The following MAGEA4 variants were observed in gnomAD, a reference collection of about 807,000 sequenced individuals.
The protein encoded by MAGEA4 is MAGE family member A4.
Under a neutral mutation model 13.7 loss-of-function variants are expected in MAGEA4, and 1 was observed. The ratio of observed to expected loss-of-function variants is 0.07; its 90% CI spans 0.03 to 0.35. MAGEA4 has a LOEUF of 0.35. Among genes scored for constraint, MAGEA4 ranks in the 10% least tolerant of loss-of-function variants. The pLI, the probability that MAGEA4 is intolerant of heterozygous loss-of-function variation, is 0.99. For missense variants in MAGEA4, 312 were observed against 245.1 expected (o/e 1.27, Z -1.82); for synonymous variants, 132 against 101.1 (o/e 1.31, Z -1.83).
chrX:151,918,957 G>C (rs1431249453), intron 1 of MAGEA4: 1 of 749,016 alleles, frequency 1.3e-6, no homozygotes, highest in East Asian at 1.6e-4. Flanking sequence ...CGCATTCGGG[G>C]TTAGAGAGAA....
intron 1 of MAGEA4, 141 bp from the exon 2 acceptor site, chrX:151,923,312 G>A (rs1603076617): frequency 3.0e-6 from 1 of 336,212 alleles, no homozygotes; most frequent in East Asian, 8.4e-5. Flanking sequence ...TGTTTGCCCT[G>A]AATGCACACC....
chrX:151,920,603 A>G (rs1267220211), intron 1 of MAGEA4, among the ~76,000 whole-genome samples: 1 of 28,490 alleles, frequency 3.5e-5, no homozygotes, highest in African/African-American at 1.5e-4. Flanking sequence ...CTGTACCCCC[A>G]TTCCCCACCT....
chrX:151,923,483 G>A lies in MAGEA4; in HGVS notation c.-107G>A, dbSNP rs1157061427. On this transcript the variant is annotated 5_prime_UTR_variant, in exon 2 of 3. Transcript: ENST00000276344. Reference sequence around the variant, plus strand: ...GAGCAGACAGGCCAACCGGAGGACAGGATTCCCTGGAGGCCACAGAGGAGC... The same window carrying A: ...GAGCAGACAGGCCAACCGGAGGACAAGATTCCCTGGAGGCCACAGAGGAGC... 4.2e-6 allele frequency: 5 copies of A among 1,196,542 alleles called. No homozygotes were observed. The highest frequency in any genetic ancestry group is 3.5e-5 in the African/African-American group (2 of 57,102).
At chrX:151,921,309 G>T (rs1037738223) in intron 1 of MAGEA4, among the ~76,000 whole-genome samples, 1 of 112,316 alleles carries the variant, frequency 8.9e-6, no homozygotes, top group Non-Finnish European at 1.9e-5. Flanking sequence ...GTTGAGATCG[G>T]CTGAGGGGAG....
chrX:151,923,899 A>G lies in MAGEA4; in HGVS notation c.235A>G (p.Thr79Ala), dbSNP rs759446643. ...TGCCTTACCCACTACCATCAGCTTC[A>G]CTTGCTGGAGGCAACCCAATGAGGG... ...ASALPTTISF[T>A]CWRQPNEGSS... Residue 79 changes from threonine (T) to alanine (A), a missense_variant, in exon 3 of 3, where the codon ACT becomes GCT. Physicochemically the swap from Thr to Ala is moderately conservative, Grantham distance 58 (BLOSUM62 0). Transcript: ENST00000276344. 3.3e-6 allele frequency: 4 copies of G among 1,211,500 alleles called. No individual in the cohort carries two copies. The East Asian group carries it at 1.2e-4, about 36-fold the overall frequency.
Position 151,924,008 on chromosome X carries a change from A to G in MAGEA4, c.344A>G (p.Asp115Gly). ...CGAGAAGCACTCAGTAACAAGGTGGATGAGTTGGCTCATTTTCTGCTCCGC... is the reference window on the plus strand; with the variant it reads ...CGAGAAGCACTCAGTAACAAGGTGGGTGAGTTGGCTCATTTTCTGCTCCGC... Reference protein sequence around the residue: ...LFREALSNKVDELAHFLLRKY... With the variant: ...LFREALSNKVGELAHFLLRKY... The change falls in exon 3 of 3, where the codon GAT (aspartate) becomes GGT (glycine). Residue 115 changes from aspartate to glycine, a missense_variant. Asp to Gly is a moderately conservative substitution (Grantham distance 94). Transcript: ENST00000276344. 4 of 1,212,169 alleles carry G rather than the reference A, an allele frequency of 3.3e-6. No homozygotes were observed. The highest frequency in any genetic ancestry group is 4.5e-6 in the Non-Finnish European group (4 of 895,615).
In MAGEA4 at chrX:151,924,877, C is replaced by G. The variant is rs1250105891; in HGVS notation, c.*259C>G. 9.6e-6 allele frequency: 3 copies of G among 314,012 alleles called. No homozygotes were observed. The highest frequency in any genetic ancestry group is 1.7e-5 in the Non-Finnish European group (3 of 175,717). 25.9% of individuals were successfully genotyped at this position (314,012 alleles called of 1,213,427 possible). A position where few individuals can be genotyped will look rare whatever the true frequency, so the allele number is the denominator to read the frequency against. On this transcript the variant is annotated 3_prime_UTR_variant, in exon 3 of 3. Transcript: ENST00000276344. ...AACTTCAGCATCCAAGTTTATGAAT[C>G]GTAGTTAACGTATATTGCTGTTAAT...
In MAGEA4 at chrX:151,923,592, C is replaced by G; in HGVS notation, c.-65-8C>G. The G allele has an allele frequency of 8.3e-7, 1 of 1,210,708 alleles. No homozygotes were observed. Among genetic ancestry groups the G allele is most frequent in the South Asian group, 1.8e-5 (1 of 56,958 alleles). On this transcript the variant is annotated splice_region_variant and splice_polypyrimidine_tract_variant and intron_variant, in intron 2 of 2. Coordinates refer to ENST00000276344, the MANE Select transcript of MAGEA4 (RefSeq NM_001011548.1). Reference sequence around the variant, plus strand: ...CTGAGGTCTCTCACATGCTCCCTCTCTCCGTAGGCCTGTGGGTCCCCATTG... The same window carrying G: ...CTGAGGTCTCTCACATGCTCCCTCTGTCCGTAGGCCTGTGGGTCCCCATTG...
chrX:151,913,532 T>G, intron 1 of MAGEA4: 1 of 748,648 alleles, frequency 1.3e-6, no homozygotes, highest in Non-Finnish European at 1.6e-6. Flanking sequence ...CTGCTCTGTC[T>G]GACCAGCAGC....
At chrX:151,922,877 G>T (rs980509894) in intron 1 of MAGEA4, among the ~76,000 whole-genome samples, 3 of 112,176 alleles carry the variant, frequency 2.7e-5, no homozygotes, top group Non-Finnish European at 3.8e-5. Flanking sequence ...GACCAAGCAG[G>T]CTCCGCATCC....
rs777687166 is a variant in MAGEA4, at chrX:151,923,745, T to C, written c.81T>C (p.Gly27=). 7 of 1,208,098 alleles carry C rather than the reference T, an allele frequency of 5.8e-6. No individual in the cohort carries two copies. The South Asian group carries it at 1.1e-4, about 18-fold the overall frequency. Residue 27 remains glycine (G), a synonymous_variant, in exon 3 of 3, where the codon GGT becomes GGC. Coordinates refer to ENST00000276344, the MANE Select transcript of MAGEA4 (RefSeq NM_001011548.1). ...AAGAAGAGGCCCTGGGCCTGGTGGG[T>C]GCACAGGCTCCTACTACTGAGGAGC... ...EAQEEALGLV[G]AQAPTTEEQE...
intron 2 of MAGEA4, 23 bp downstream of exon 2, chrX:151,923,547 C>T (rs1327788941): frequency 2.8e-5 from 34 of 1,207,256 alleles, no homozygotes; most frequent in Non-Finnish European, 3.5e-5. Context: ...TTGTTAGAGC[C>T]TCTAAGATTT....
chrX:151,922,946 A>G (rs1933516849), intron 1 of MAGEA4, among the ~76,000 whole-genome samples: 3 of 112,525 alleles, frequency 2.7e-5, no homozygotes, highest in South Asian at 7.3e-4. Context: ...CGGAAGACCT[A>G]GGCACAGGTG....
rs1933318440 is a variant in MAGEA4 at position 151,919,729 on chromosome X, C to T, written c.-137-3724C>T. On this transcript the variant is annotated intron_variant, in intron 1 of 2. Transcript: ENST00000276344. ...GGCCCTGTGAGGAGTCAAGGTGAGA[C>T]GCTGAGGGAGGACTCAGGAGGCCCC... 7 of 751,167 alleles carry T rather than the reference C, an allele frequency of 9.3e-6. No homozygotes were observed. The South Asian group carries it at 2.1e-4, about 22-fold the overall frequency. 61.9% of individuals were successfully genotyped at this position (751,167 alleles called of 1,213,427 possible).
intron 1 of MAGEA4, chrX:151,913,932 C>G (rs1227626382): frequency 1.1e-5 from 1 of 88,968 alleles, no homozygotes; most frequent in African/African-American, 4.3e-5. Context: ...CAGCACTCCT[C>G]TCCTCTTCAA....
intron 1 of MAGEA4, chrX:151,919,637 G>T (rs1036025284): frequency 9.6e-5 from 72 of 749,671 alleles, no homozygotes; most frequent in Middle Eastern, 7.5e-4. Context: ...TTGCGCATTG[G>T]GGGTTAGAGA....
chrX:151,922,651 A>G (rs1933501732), intron 1 of MAGEA4, among the ~76,000 whole-genome samples: 1 of 111,411 alleles, frequency 9.0e-6, no homozygotes, highest in Non-Finnish European at 1.9e-5. Flanking sequence ...GTGAGGGAGG[A>G]TTGAGGGTAC....
chrX:151,919,908 A>G (rs1438017632), intron 1 of MAGEA4, among the ~76,000 whole-genome samples: 1 of 110,259 alleles, frequency 9.1e-6, no homozygotes, highest in East Asian at 2.9e-4. Flanking sequence ...TGATCAGTGC[A>G]AGACTGGTGA....
At chrX:151,919,879 C>T (rs1039828932) in intron 1 of MAGEA4, among the ~76,000 whole-genome samples, 1 of 109,977 alleles carries the variant, frequency 9.1e-6, no homozygotes, top group African/African-American at 3.3e-5. Flanking sequence ...GCACGGGACT[C>T]TGCAGTCAGA....
Sources: allele counts gnomAD v4.1 joint callset (sites outside exome capture counted in the v4.1 genomes callset), GRCh38; gene constraint gnomAD v4.1.1; transcripts MANE v1.5; gene names NCBI Gene and HGNC (gene_info 2026-07-23, HGNC 2026-07-21).